LTBP4: variants seen among roughly 807,000 people sequenced by gnomAD.
LTBP4 encodes the protein latent-transforming growth factor beta-binding protein 4.
Under a neutral mutation model 180.2 loss-of-function variants are expected in LTBP4, and 93 were observed. The observed-to-expected ratio is 0.52, with a 90% CI of 0.44 to 0.61. LTBP4 has a LOEUF of 0.61. Ranked by LOEUF, LTBP4 falls within the 20% of genes least tolerant of loss-of-function variation. The probability of loss-of-function intolerance (pLI) is 0.00; values close to 1 mark genes in which losing one functional copy is unlikely to be tolerated. For synonymous variants in LTBP4, 947 were observed against 934.5 expected (o/e 1.01, Z -0.24); for missense variants, 2,116 against 2,256.5 (o/e 0.94, Z 1.26).
In LTBP4 at chr19:40,626,042, C is replaced by G. The variant is rs540658739; in HGVS notation, c.3985+33C>G. 1.5e-5 allele frequency: 24 copies of G among 1,551,886 alleles called. 1 individual carries two copies. The African/African-American group carries it at 2.1e-4, about 13-fold the overall frequency. ...CACTGGCCTAGGCTGAACTCAGAGG[C>G]CTTGCCCCATGGGCTCCAAATCTAG... On this transcript the variant is annotated intron_variant, in intron 27 of 29. Transcript: ENST00000396819.
rs2146052852 is a variant in LTBP4, at chr19:40,627,277, C to T, written c.4288C>T (p.Arg1430Cys). 3 of 1,549,048 alleles carry T rather than the reference C, an allele frequency of 1.9e-6. No homozygotes were observed. Among genetic ancestry groups the T allele is most frequent in the Non-Finnish European group, 2.6e-6 (3 of 1,151,130 alleles). The change falls in exon 28 of 30, where the codon CGC (arginine) becomes TGC (cysteine). Residue 1430 changes from arginine to cysteine, a missense_variant. By Grantham distance (180) the Arg-to-Cys change is radical (BLOSUM62 -3). Around this residue, in one of 5 missense-constraint regions of LTBP4, gnomAD observed 488 missense variants for 458.8 expected, o/e 1.06. Transcript: ENST00000396819. ...TCCTGCGCCACCTGGCCCGGGCACC[C>T]GCTGGCCCTATCGGTCCCGGGACAC... ...EAPAPPGPGT[R>C]WPYRSRDTRR...
At chr19:40,604,827 C>T (rs976046115) in intron 1 of LTBP4, among the ~76,000 whole-genome samples, 21 of 152,138 alleles carry the variant, frequency 1.4e-4, no homozygotes, top group African/African-American at 5.1e-4. Context: ...GGCAATAGAG[C>T]GAGATCCTGC....
At chr19:40,625,108 G>T (rs1033309905) in intron 26 of LTBP4, among the ~76,000 whole-genome samples, 10 of 149,344 alleles carry the variant, frequency 6.7e-5, no homozygotes, top group Non-Finnish European at 1.3e-4. Flanking sequence ...ACAAGATCTC[G>T]CTCTGTCATC....
At chr19:40,607,278 C>CCCCAAA in intron 6 of LTBP4, 87 bp from the exon 7 acceptor site, 7 of 1,119,218 alleles carry the variant, frequency 6.3e-6, no homozygotes, top group South Asian at 1.4e-5. Context: ...ACCCCCAACC[C>CCCCAAA]CAGAACCATT....
Position 40,627,131 on chromosome 19 carries a change from C to A in LTBP4, c.4142C>A (p.Pro1381His), listed in dbSNP as rs2081640154. ...GAGTTGTACCCACCACCTGCGCTAC[C>A]CTACGACCCCTACCCACCGCCACCT... is the stretch of plus-strand genomic sequence containing the variant. ...GPELYPPPAL[P>H]YDPYPPPPGP... Residue 1381 changes from proline (P) to histidine (H), a missense_variant, in exon 28 of 30, where the codon CCC (proline) becomes CAC (histidine). Pro to His is a moderately conservative substitution (Grantham distance 77). Coordinates refer to ENST00000396819, the MANE Select transcript of LTBP4 (RefSeq NM_001042545.2). The A allele has an allele frequency of 1.2e-6, 2 of 1,613,772 alleles. No individual in the cohort carries two copies. Among genetic ancestry groups the A allele is most frequent in the Non-Finnish European group, 8.5e-7 (1 of 1,179,864 alleles).
chr19:40,622,931 G>C lies in LTBP4; in HGVS notation c.3485-19G>C. 1 of 1,612,124 alleles carries C rather than the reference G, an allele frequency of 6.2e-7. No individual in the cohort carries two copies. The highest frequency in any genetic ancestry group is 8.5e-7 in the Non-Finnish European group (1 of 1,179,062). On this transcript the variant is annotated intron_variant, in intron 23 of 29. Transcript: ENST00000396819. This position sits in a 1 kb window ranked among gnomAD's most constrained non-coding sequence, Gnocchi z 5.1. ...GCTGGGGCTCTGGTGTCCTGGCTCA[G>C]GCTTGTCTCTGTGTGTAGCTGAGTA...
intron 19 of LTBP4, chr19:40,615,193 C>CGGTGGGGG: frequency 1.3e-4 from 3 of 23,596 alleles, no homozygotes; most frequent in South Asian, 4.2e-3. Flanking sequence ...TTTGTGTCGG[C>CGGTGGGGG]GGGGGGGGGG....
rs191082960 is a variant in LTBP4, at chr19:40,627,680, C to T, written c.4367-25C>T. ...AGGGGTGAAGGCAGGGACCTCAAGT[C>T]ATAGGGTCCCCGCATTTCCCACAGG... On this transcript the variant is annotated intron_variant, in intron 28 of 29. Transcript: ENST00000396819. 3.7e-4 allele frequency: 585 copies of T among 1,569,734 alleles called. No homozygotes were observed. The African/African-American group carries it at 7.3e-3, about 20-fold the overall frequency.
chr19:40,619,502 G>C lies in LTBP4; in HGVS notation c.3217+9G>C. On this transcript the variant is annotated intron_variant, in intron 22 of 29. Transcript: ENST00000396819. Reference sequence around the variant, plus strand: ...CCCACGAACTTCTGCTGGTGAGACTGATGTGTCTATTTAACTGATGGCGGC... The same window carrying C: ...CCCACGAACTTCTGCTGGTGAGACTCATGTGTCTATTTAACTGATGGCGGC... The C allele has an allele frequency of 6.2e-7, 1 of 1,603,252 alleles. No individual in the cohort carries two copies. Among genetic ancestry groups the C allele is most frequent in the Non-Finnish European group, 8.5e-7 (1 of 1,172,786 alleles).
rs375581403 is a variant in LTBP4 at position 40,611,993 on chromosome 19, G to A, written c.2179+9G>A. The A allele has an allele frequency of 1.5e-4, 244 of 1,610,938 alleles. No individual in the cohort carries two copies. The highest frequency in any genetic ancestry group is 1.9e-4 in the Non-Finnish European group (229 of 1,178,216). On this transcript the variant is annotated intron_variant, in intron 14 of 29. Transcript: ENST00000396819. This position sits in a 1 kb window ranked among gnomAD's most constrained non-coding sequence, Gnocchi z 4.4. ...TGGCTCCGAGTGCGAGGGTGAGGCCGGGGAGGGAGGGAGGAGTGTGGATGG... is the reference window on the plus strand; with the variant it reads ...TGGCTCCGAGTGCGAGGGTGAGGCCAGGGAGGGAGGGAGGAGTGTGGATGG...
At chr19:40,597,183 C>T (rs1195578283), upstream of LTBP4, 1 of 1,362,712 alleles carries the variant, frequency 7.3e-7, no homozygotes, top group Non-Finnish European at 9.4e-7. Context: ...CGGGGCTAGC[C>T]TGACCCGCTG....
In LTBP4 at chr19:40,622,678, G is replaced by T; in HGVS notation, c.3484+11G>T. ...CGGGCACCGAGACAGGTGGGCATGG[G>T]CTGATGGGGACACAGGGCTGAGGGC... On this transcript the variant is annotated intron_variant, in intron 23 of 29. Transcript: ENST00000396819. The surrounding 1 kb of genome is among the most constrained non-coding windows in gnomAD (Gnocchi z 5.1). 1 of 1,595,370 alleles carries T rather than the reference G, an allele frequency of 6.3e-7. No homozygotes were observed. The highest frequency in any genetic ancestry group is 2.2e-5 in the East Asian group (1 of 44,588).
rs1351166159 is a variant in LTBP4 at position 40,623,757 on chromosome 19, C to G, written c.3685+25C>G. 4.3e-6 allele frequency: 7 copies of G among 1,612,920 alleles called. No individual in the cohort carries two copies. The Admixed American group carries it at 1.0e-4, about 23-fold the overall frequency. ...GGTACAAGCCCCACCTCCCCCAACC[C>G]CCGGCAACTCTCTCCAACCCCTAGC... is the stretch of plus-strand genomic sequence containing the variant. On this transcript the variant is annotated intron_variant, in intron 25 of 29. Transcript: ENST00000396819.
chr19:40,613,588 G>C lies in LTBP4; in HGVS notation c.2557+59G>C. 3 of 1,544,182 alleles carry C rather than the reference G, an allele frequency of 1.9e-6. No homozygotes were observed. The highest frequency in any genetic ancestry group is 2.6e-6 in the Non-Finnish European group (3 of 1,147,988). On this transcript the variant is annotated intron_variant, in intron 17 of 29. Transcript: ENST00000396819. This position sits in a 1 kb window ranked among gnomAD's most constrained non-coding sequence, Gnocchi z 5.0. ...GGTGGGCTTAGGGCAGGAAAAGGCG[G>C]GACGGGGAGAAGAGGGCGAAAAGGG...
At chr19:40,607,580 A>G in intron 7 of LTBP4, 51 bp downstream of exon 7, 4 of 1,516,586 alleles carry the variant, frequency 2.6e-6, no homozygotes, top group Non-Finnish European at 3.5e-6. Flanking sequence ...TGTGGCGCTC[A>G]TTCTACGCCC....
intron 21 of LTBP4, 33 bp downstream of exon 21, chr19:40,617,258 G>A (rs762169238): frequency 6.3e-7 from 1 of 1,598,186 alleles, no homozygotes; most frequent in Non-Finnish European, 8.6e-7. Context: ...TGGGACCAAA[G>A]GGGGTGGGGG....
upstream of LTBP4, among the ~76,000 whole-genome samples, chr19:40,596,818 A>G (rs796945778): frequency 1.5e-4 from 23 of 152,180 alleles, no homozygotes; most frequent in African/African-American, 5.5e-4. Context: ...GAATTCTCCC[A>G]GAACTGGGAG....
At position 40,622,882 on chromosome 19, in the gene LTBP4, G is replaced by A. The variant is rs2081596425; in HGVS notation, c.3485-68G>A. The A allele has an allele frequency of 2.0e-6, 3 of 1,516,148 alleles. No individual in the cohort carries two copies. The highest frequency in any genetic ancestry group is 2.7e-6 in the Non-Finnish European group (3 of 1,107,780). The allele number at this position is 1,516,148 out of a possible 1,614,324, so 93.9% of individuals were successfully genotyped here. A position where few individuals can be genotyped will look rare whatever the true frequency, so the allele number is the denominator to read the frequency against. The stretch of plus-strand genomic sequence containing the variant: ...GGCCAGAGGGACTTTTGTGACAAGT[G>A]GGCACGAGCAGGTCAGGGCTGGGGC... On this transcript the variant is annotated intron_variant, in intron 23 of 29. Transcript: ENST00000396819. The surrounding 1 kb of genome is among the most constrained non-coding windows in gnomAD (Gnocchi z 5.1).
At position 40,607,235 on chromosome 19, in the gene LTBP4, C is replaced by T. The variant is rs186054687; in HGVS notation, c.992-130C>T. ...CTCTCCTTCAGACCCTCTCAGACCT[C>T]TCCCAAATGCCCCTCGCACCCACCA... On this transcript the variant is annotated intron_variant, in intron 6 of 29. Transcript: ENST00000396819. The T allele has an allele frequency of 4.7e-5, 38 of 815,560 alleles. No homozygotes were observed. In the African/African-American group the frequency reaches 6.2e-4, roughly 13 times the overall value. The allele number at this position is 815,560 out of a possible 1,614,324, so 50.5% of individuals were successfully genotyped here. A position where few individuals can be genotyped will look rare whatever the true frequency, so the allele number is the denominator to read the frequency against.
Sources: allele counts gnomAD v4.1 joint callset (sites outside exome capture counted in the v4.1 genomes callset), GRCh38; gene constraint gnomAD v4.1.1; regional missense constraint gnomAD v4.1.1; non-coding constraint Gnocchi (gnomAD v3.1); transcripts MANE v1.5; gene names NCBI Gene and HGNC (gene_info 2026-07-23, HGNC 2026-07-21).